The following CACUL1 variants were observed in gnomAD, a reference collection of about 807,000 sequenced individuals.
CACUL1 encodes the protein CDK2-associated and cullin domain-containing protein 1.
A neutral mutation model predicts 45.2 loss-of-function variants in CACUL1; 13 were observed. The observed-to-expected ratio is 0.29, with a 90% CI of 0.19 to 0.46. The LOEUF is 0.46. Ranked by LOEUF, CACUL1 falls within the 20% of genes least tolerant of loss-of-function variation. The probability of loss-of-function intolerance (pLI) is 1.00; values close to 1 mark genes in which losing one functional copy is unlikely to be tolerated. For missense variants in CACUL1, 421 were observed against 471.4 expected, an observed-to-expected ratio of 0.89 and a Z score of 0.99; for synonymous variants, 197 against 174.2, an observed-to-expected ratio of 1.13 and a Z score of -1.03.
chr10:118,698,626 C>T (rs1210115770), intron 5 of CACUL1, among the ~76,000 whole-genome samples: 1 of 152,112 alleles, frequency 6.6e-6, no homozygotes, highest in Non-Finnish European at 1.5e-5. Context: ...CACAGAGGAA[C>T]CAAAAGCTAG....
At chr10:118,716,224 T>A (rs1192213009) in intron 3 of CACUL1, among the ~76,000 whole-genome samples, 4 of 146,504 alleles carry the variant, frequency 2.7e-5, no homozygotes, top group African/African-American at 1.0e-4. Context: ...AGAGCAAGAC[T>A]CCGTCTCAAA....
intron 3 of CACUL1, among the ~76,000 whole-genome samples, chr10:118,720,770 A>C (rs1845592793): frequency 6.6e-6 from 1 of 152,226 alleles, no homozygotes; most frequent in Non-Finnish European, 1.5e-5. Context: ...GAAAATACAA[A>C]CAAAATCCTT....
At chr10:118,743,061 T>A (rs1845806832) in intron 1 of CACUL1, among the ~76,000 whole-genome samples, 1 of 152,180 alleles carries the variant, frequency 6.6e-6, no homozygotes. Flanking sequence ...TCAGCCTGCA[T>A]TAAAAACAGT....
At chr10:118,744,021 G>T (rs1042360522) in intron 1 of CACUL1, among the ~76,000 whole-genome samples, 3 of 152,078 alleles carry the variant, frequency 2.0e-5, no homozygotes, top group African/African-American at 7.2e-5. Context: ...TAACTATCTG[G>T]GTAAATACAA....
At position 118,679,314 on chromosome 10, in the gene CACUL1, C is replaced by T. The variant is rs547205199; in HGVS notation, c.*6814G>A. On this transcript the variant is annotated 3_prime_UTR_variant, in exon 9 of 9. Coordinates refer to ENST00000369151, the MANE Select transcript of CACUL1 (RefSeq NM_153810.5). ...ACTTCCTGGGTTCAAGTTCTTGTGCCTGAGCCACCCAAGCAGCTGGGATTA... is the reference window on the plus strand; with the variant it reads ...ACTTCCTGGGTTCAAGTTCTTGTGCTTGAGCCACCCAAGCAGCTGGGATTA... 1.4e-4 allele frequency: 21 copies of T among 152,296 alleles called. No homozygotes were observed. In the East Asian group the frequency reaches 2.5e-3, roughly 18 times the overall value. 9.4% of individuals were successfully genotyped at this position (152,296 alleles called of 1,614,324 possible).
At chr10:118,724,159 T>C (rs576701024) in intron 3 of CACUL1, among the ~76,000 whole-genome samples, 2 of 152,308 alleles carry the variant, frequency 1.3e-5, no homozygotes, top group South Asian at 4.1e-4. Flanking sequence ...TGGGATGTGG[T>C]ACTTCAGATT....
At chr10:118,697,865 C>A (rs76001466) in intron 5 of CACUL1, among the ~76,000 whole-genome samples, 1 of 152,156 alleles carries the variant, frequency 6.6e-6, no homozygotes, top group African/African-American at 2.4e-5. Context: ...CAACATACGA[C>A]GTAAATACTT....
At chr10:118,728,760 C>G (rs555134342) in intron 3 of CACUL1, among the ~76,000 whole-genome samples, 6 of 152,198 alleles carry the variant, frequency 3.9e-5, no homozygotes, top group Middle Eastern at 3.4e-3. Flanking sequence ...CTGAAGTGGG[C>G]AGGGGGAGGA....
chr10:118,729,051 T>A lies in CACUL1; in HGVS notation c.597+244A>T, dbSNP rs1589614909. The stretch of plus-strand genomic sequence containing the variant: ...TTAAATAAAAGAAATGTTGACATGA[T>A]AATCAATAGAATCAGTTAAGGTCTG... On this transcript the variant is annotated intron_variant, in intron 3 of 8. Transcript: ENST00000369151. The A allele has an allele frequency of 7.9e-6, 3 of 378,692 alleles. No individual in the cohort carries two copies. In the East Asian group the frequency reaches 1.7e-4, roughly 21 times the overall value. 23.5% of individuals were successfully genotyped at this position (378,692 alleles called of 1,614,324 possible).
intron 5 of CACUL1, among the ~76,000 whole-genome samples, chr10:118,700,379 A>G (rs942416617): frequency 1.3e-5 from 2 of 152,206 alleles, no homozygotes; most frequent in African/African-American, 2.4e-5. Context: ...CAGGAAAGGT[A>G]GAATGAGATG....
intron 3 of CACUL1, among the ~76,000 whole-genome samples, chr10:118,727,776 C>T (rs1228924022): frequency 6.6e-6 from 1 of 152,122 alleles, no homozygotes; most frequent in Admixed American, 6.5e-5. Context: ...GTAAAACAGT[C>T]GAGAAATGAT....
chr10:118,748,840 G>A (rs1589621521), intron 1 of CACUL1, among the ~76,000 whole-genome samples: 1 of 152,060 alleles, frequency 6.6e-6, no homozygotes, highest in East Asian at 1.9e-4. Flanking sequence ...CGGCGACATG[G>A]GTTAAAATGC....
rs931127726 is a variant in CACUL1, at chr10:118,682,229, A to T, written c.*3899T>A. 1 of 152,242 alleles carries T rather than the reference A, an allele frequency of 6.6e-6. No individual in the cohort carries two copies. The highest frequency in any genetic ancestry group is 2.4e-5 in the African/African-American group (1 of 41,468). 9.4% of individuals were successfully genotyped at this position (152,242 alleles called of 1,614,324 possible). A position where few individuals can be genotyped will look rare whatever the true frequency, so the allele number is the denominator to read the frequency against. ...CAAACAATGGCTAGATGACTAATGT[A>T]GGTTGTTTTGCTTTTTAGTTGCAAA... On this transcript the variant is annotated 3_prime_UTR_variant, in exon 9 of 9. Coordinates refer to ENST00000369151, the MANE Select transcript of CACUL1 (RefSeq NM_153810.5).
Position 118,684,958 on chromosome 10 carries a change from A to G in CACUL1, c.*1170T>C, listed in dbSNP as rs1048640988. On this transcript the variant is annotated 3_prime_UTR_variant, in exon 9 of 9. Transcript: ENST00000369151. ...GCTTCAGAAACTTTTATGATGGACT[A>G]AAAAGCACTGTGGATGTGGAGAAAC... 6.6e-6 allele frequency: 1 copy of G among 152,238 alleles called. No individual in the cohort carries two copies. The highest frequency in any genetic ancestry group is 2.4e-5 in the African/African-American group (1 of 41,462). 9.4% of individuals were successfully genotyped at this position (152,238 alleles called of 1,614,324 possible).
chr10:118,735,846 A>T (rs1845735213), intron 1 of CACUL1, among the ~76,000 whole-genome samples: 1 of 152,156 alleles, frequency 6.6e-6, no homozygotes. Context: ...TAATTAAGCC[A>T]AATTTAAAAG....
intron 6 of CACUL1, among the ~76,000 whole-genome samples, chr10:118,694,718 C>CA (rs1362807281): frequency 5.9e-5 from 9 of 152,322 alleles, no homozygotes; most frequent in Non-Finnish European, 1.2e-4. Flanking sequence ...CTCCCCAGAA[C>CA]ATCCTTACAA....
At chr10:118,715,454 C>G (rs1458215345) in intron 3 of CACUL1, among the ~76,000 whole-genome samples, 1 of 152,146 alleles carries the variant, frequency 6.6e-6, no homozygotes, top group Non-Finnish European at 1.5e-5. Flanking sequence ...AATATACTAT[C>G]ATGTGGGTCA....
chr10:118,754,030 AT>A (rs1463247618), intron 1 of CACUL1, among the ~76,000 whole-genome samples: 1 of 152,196 alleles, frequency 6.6e-6, no homozygotes, highest in East Asian at 1.9e-4. Context: ...AGGCAGCCTT[AT>A]TTTCCCCTCA....
chr10:118,724,150 G>A (rs1030535177), intron 3 of CACUL1, among the ~76,000 whole-genome samples: 9 of 152,104 alleles, frequency 5.9e-5, no homozygotes, highest in African/African-American at 2.2e-4. Flanking sequence ...TGCTAGTCCT[G>A]GGATGTGGTA....
Sources: allele counts gnomAD v4.1 joint callset (sites outside exome capture counted in the v4.1 genomes callset), GRCh38; gene constraint gnomAD v4.1.1; transcripts MANE v1.5; gene names NCBI Gene and HGNC (gene_info 2026-07-23, HGNC 2026-07-21).